Variants in DENND1B observed in about 807,000 individuals in gnomAD.
The protein encoded by DENND1B is DENN domain-containing protein 1B.
DENND1B carries 59 observed loss-of-function variants against 90.1 expected under a neutral mutation model. The observed-to-expected ratio is 0.65, with a 90% CI of 0.53 to 0.81. DENND1B has a LOEUF of 0.81. DENND1B is among the 40% of genes least tolerant of loss of function. DENND1B has a pLI of 0.00. For synonymous variants in DENND1B, 337 were observed against 324.6 expected (o/e 1.04, Z -0.41); for missense variants, 862 against 912.6 (o/e 0.94, Z 0.71).
At chr1:197,750,994 T>C (rs1231616391) in intron 2 of DENND1B, among the ~76,000 whole-genome samples, 1 of 152,090 alleles carries the variant, frequency 6.6e-6, no homozygotes. Flanking sequence ...ACAATTACAG[T>C]TGGAAATTTT....
chr1:197,602,053 G>T (rs1676260689), intron 13 of DENND1B, among the ~76,000 whole-genome samples: 1 of 151,286 alleles, frequency 6.6e-6, no homozygotes, highest in Non-Finnish European at 1.5e-5. Flanking sequence ...ATCACAACAT[G>T]GTCTCTTTTT....
At position 197,510,453 on chromosome 1, in the gene DENND1B, G is replaced by A. The variant is rs774855452; in HGVS notation, c.*7C>T. On this transcript the variant is annotated 3_prime_UTR_variant, in exon 23 of 23. Coordinates refer to ENST00000620048, the MANE Select transcript of DENND1B (RefSeq NM_001195215.2). ...AAAATGTCTCCATAGAAGCTTGGATGCAAGATTTAAGTTTGGTTTCCATTT... is the reference window on the plus strand; with the variant it reads ...AAAATGTCTCCATAGAAGCTTGGATACAAGATTTAAGTTTGGTTTCCATTT... The A allele has an allele frequency of 3.1e-6, 5 of 1,592,696 alleles. No homozygotes were observed. The East Asian group carries it at 6.7e-5, about 21-fold the overall frequency.
At chr1:197,597,429 TAA>T (rs200861233) in intron 13 of DENND1B, among the ~76,000 whole-genome samples, 4 of 150,638 alleles carry the variant, frequency 2.7e-5, no homozygotes, top group Non-Finnish European at 4.4e-5. Flanking sequence ...CTTTAGAAAA[TAA>T]AAAAAAATTA....
upstream of DENND1B, among the ~76,000 whole-genome samples, chr1:197,777,428 G>A (rs1040545493): frequency 6.6e-6 from 1 of 152,136 alleles, no homozygotes; most frequent in African/African-American, 2.4e-5. Flanking sequence ...TGACCATAAT[G>A]AAGAGATTTA....
chr1:197,580,804 G>A (rs1217520534), intron 15 of DENND1B, among the ~76,000 whole-genome samples: 1 of 152,036 alleles, frequency 6.6e-6, no homozygotes, highest in African/African-American at 2.4e-5. Flanking sequence ...AGAATTACAG[G>A]AACTGGGTCT....
intron 12 of DENND1B, 152 bp from the exon 13 acceptor site, chr1:197,607,326 G>A (rs1426527033): frequency 6.6e-6 from 3 of 457,500 alleles, no homozygotes; most frequent in African/African-American, 2.0e-5. Context: ...AAACAACTTT[G>A]CCTCCTGAGA....
intron 2 of DENND1B, among the ~76,000 whole-genome samples, chr1:197,718,764 C>T (rs1435270767): frequency 3.3e-5 from 5 of 152,036 alleles, no homozygotes; most frequent in African/African-American, 1.2e-4. Flanking sequence ...AACCAATATG[C>T]ATGACATCTT....
intron 18 of DENND1B, 64 bp downstream of exon 18, chr1:197,545,858 C>T: frequency 1.5e-6 from 2 of 1,336,246 alleles, no homozygotes; most frequent in Non-Finnish European, 2.1e-6. Flanking sequence ...ATTTATATGT[C>T]TATCACCTAG....
upstream of DENND1B, among the ~76,000 whole-genome samples, chr1:197,778,661 A>G (rs1207405385): frequency 6.6e-6 from 1 of 151,972 alleles, no homozygotes; most frequent in Non-Finnish European, 1.5e-5. Context: ...TGGTTGACAG[A>G]GTGAGACACT....
At chr1:197,521,226 T>C (rs771679663) in intron 20 of DENND1B, among the ~76,000 whole-genome samples, 10 of 152,050 alleles carry the variant, frequency 6.6e-5, no homozygotes, top group Admixed American at 1.3e-4. Flanking sequence ...AATAAATCTT[T>C]CTTTTCACTG....
intron 10 of DENND1B, among the ~76,000 whole-genome samples, chr1:197,637,631 C>T (rs544988715): frequency 1.3e-5 from 2 of 152,266 alleles, no homozygotes; most frequent in African/African-American, 4.8e-5. Context: ...ATTCACTTAG[C>T]ACTGACTAAA....
chr1:197,668,317 T>C (rs1162094250), intron 5 of DENND1B, among the ~76,000 whole-genome samples: 4 of 151,502 alleles, frequency 2.6e-5, no homozygotes, highest in Non-Finnish European at 5.9e-5. Flanking sequence ...TTGTAGACAC[T>C]GGGAATATAT....
intron 3 of DENND1B, among the ~76,000 whole-genome samples, chr1:197,683,031 T>A (rs575290068): frequency 7.9e-5 from 12 of 152,200 alleles, no homozygotes; most frequent in Admixed American, 6.5e-4. Context: ...CGAGTGTTTG[T>A]CTGGGGTAGG....
intron 18 of DENND1B, among the ~76,000 whole-genome samples, chr1:197,543,835 C>T (rs1261004653): frequency 1.3e-5 from 2 of 151,870 alleles, no homozygotes; most frequent in African/African-American, 4.8e-5. Flanking sequence ...GAAAGGGTGG[C>T]CACATTCATA....
intron 5 of DENND1B, among the ~76,000 whole-genome samples, chr1:197,662,422 T>C (rs1367418745): frequency 1.3e-5 from 2 of 152,054 alleles, no homozygotes; most frequent in African/African-American, 2.4e-5. Flanking sequence ...TTGACTAAGA[T>C]AAAGCAACTT....
intron 2 of DENND1B, among the ~76,000 whole-genome samples, chr1:197,769,506 T>G (rs980610843): frequency 2.6e-5 from 4 of 152,172 alleles, no homozygotes; most frequent in African/African-American, 9.7e-5. Context: ...GCAAGAAATC[T>G]AAGCCCTCCA....
chr1:197,591,098 A>T (rs932057571), intron 14 of DENND1B, among the ~76,000 whole-genome samples: 1 of 152,182 alleles, frequency 6.6e-6, no homozygotes, highest in Admixed American at 6.5e-5. Context: ...TTTTGAGAAC[A>T]TGGTGAAAGA....
chr1:197,560,149 G>A (rs1672045821), intron 15 of DENND1B, among the ~76,000 whole-genome samples: 1 of 151,870 alleles, frequency 6.6e-6, no homozygotes, highest in African/African-American at 2.4e-5. Context: ...TCAAGGATAT[G>A]TCAATTGACA....
At chr1:197,717,220 A>G (rs1660732273) in intron 2 of DENND1B, among the ~76,000 whole-genome samples, 1 of 151,964 alleles carries the variant, frequency 6.6e-6, no homozygotes, top group Admixed American at 6.6e-5. Flanking sequence ...AAGGGCTCTG[A>G]AAAAAATAAT....
Sources: allele counts gnomAD v4.1 joint callset (sites outside exome capture counted in the v4.1 genomes callset), GRCh38; gene constraint gnomAD v4.1.1; transcripts MANE v1.5; gene names NCBI Gene and HGNC (gene_info 2026-07-23, HGNC 2026-07-21).